The following GLRX3 variants were observed in gnomAD, a reference collection of about 807,000 sequenced individuals.
The protein encoded by GLRX3 is glutaredoxin-3.
A neutral mutation model predicts 49.5 loss-of-function variants in GLRX3; 22 were observed. That is an observed-to-expected ratio of 0.44 (90% CI 0.32 to 0.63). The LOEUF is 0.63. Ranked by LOEUF, GLRX3 falls within the 30% of genes least tolerant of loss-of-function variation. The pLI is 0.05. For synonymous variants in GLRX3, 133 were observed against 140.0 expected, an observed-to-expected ratio of 0.95 and a Z score of 0.35; for missense variants, 385 against 396.3, an observed-to-expected ratio of 0.97 and a Z score of 0.24.
intron 2 of GLRX3, among the ~76,000 whole-genome samples, chr10:130,158,780 CT>C (rs34188460): frequency 6.6e-6 from 1 of 151,866 alleles, no homozygotes; most frequent in Non-Finnish European, 1.5e-5. Context: ...TCTTTTTGTT[CT>C]TTTTTCAGAT....
chr10:130,166,100 G>A (rs1224589842), intron 4 of GLRX3, among the ~76,000 whole-genome samples: 2 of 152,236 alleles, frequency 1.3e-5, no homozygotes, highest in Non-Finnish European at 2.9e-5. Flanking sequence ...GCTCAAGTGA[G>A]CCTGTTGCCT....
Position 130,145,211 on chromosome 10 carries a change from G to T in GLRX3, c.93G>T (p.Lys31Asn), listed in dbSNP as rs1385348207. Residue 31 changes from lysine (K) to asparagine (N), a missense_variant and splice_region_variant, in exon 2 of 11, where the codon AAG (lysine) becomes AAT (asparagine). Lys to Asn is a moderately conservative substitution (Grantham distance 94). This residue lies in a region of GLRX3 where 374 missense variants were observed against 358.6 expected (regional missense o/e 1.04). Transcript: ENST00000331244. ...QFEELLRLKA[K>N]SLLVVHFWAP... ...ATAAATGCATTTAATTGATTTACAGGTCCCTCCTTGTGGTCCATTTCTGGG... is the reference window on the plus strand; with the variant it reads ...ATAAATGCATTTAATTGATTTACAGTTCCCTCCTTGTGGTCCATTTCTGGG... 3.2e-6 allele frequency: 4 copies of T among 1,265,854 alleles called. No individual in the cohort carries two copies. Among genetic ancestry groups the T allele is most frequent in the East Asian group, 2.4e-5 (1 of 41,692 alleles). The allele number at this position is 1,265,854 out of a possible 1,614,324, so 78.4% of individuals were successfully genotyped here. A position where few individuals can be genotyped will look rare whatever the true frequency, so the allele number is the denominator to read the frequency against.
At chr10:130,167,407 C>T (rs976279821) in intron 6 of GLRX3, among the ~76,000 whole-genome samples, 1 of 152,192 alleles carries the variant, frequency 6.6e-6, no homozygotes, top group African/African-American at 2.4e-5. Context: ...GTGAAAAACT[C>T]ATCACCTCGC....
chr10:130,159,766 T>C, intron 2 of GLRX3: 2 of 1,259,210 alleles, frequency 1.6e-6, no homozygotes, highest in East Asian at 3.1e-5. Flanking sequence ...TCTTTTGAAA[T>C]GTGCAACAAA....
At chr10:130,154,330 A>G (rs1252849209) in intron 2 of GLRX3, among the ~76,000 whole-genome samples, 6 of 152,190 alleles carry the variant, frequency 3.9e-5, no homozygotes, top group Admixed American at 3.3e-4. Context: ...CTCGCCCTCC[A>G]TGGGCTGCAC....
At position 130,169,556 on chromosome 10, in the gene GLRX3, A is replaced by C; in HGVS notation, c.771+66A>C. On this transcript the variant is annotated intron_variant, in intron 7 of 10. Coordinates refer to ENST00000331244, the MANE Select transcript of GLRX3 (RefSeq NM_006541.5). Reference sequence around the variant, plus strand: ...ATGTTAACATCTGCAACAAGGGGACAGTTAAATCTTTTTCCTAGCTTTAGC... The same window carrying C: ...ATGTTAACATCTGCAACAAGGGGACCGTTAAATCTTTTTCCTAGCTTTAGC... The C allele has an allele frequency of 3.0e-6, 3 of 1,015,254 alleles. No homozygotes were observed. In the South Asian group the frequency reaches 3.8e-5, roughly 13 times the overall value. 62.9% of individuals were successfully genotyped at this position (1,015,254 alleles called of 1,614,324 possible).
Position 130,179,324 on chromosome 10 carries a change from G to A in GLRX3, c.958-18G>A, listed in dbSNP as rs746065585. 3.5e-5 allele frequency: 41 copies of A among 1,162,958 alleles called. No homozygotes were observed. Among genetic ancestry groups the A allele is most frequent in the Non-Finnish European group, 5.0e-5 (39 of 783,010 alleles). The allele number at this position is 1,162,958 out of a possible 1,614,324, so 72.0% of individuals were successfully genotyped here. A position where few individuals can be genotyped will look rare whatever the true frequency, so the allele number is the denominator to read the frequency against. On this transcript the variant is annotated intron_variant, in intron 10 of 10. Transcript: ENST00000331244. ...ATATATGCATATACATATTATTATT[G>A]TTGTTTTTTATTTTTAGGAACTGAA...
chr10:130,145,376 A>G, intron 2 of GLRX3, 57 bp downstream of exon 2: 1 of 878,566 alleles, frequency 1.1e-6, no homozygotes, highest in Non-Finnish European at 1.9e-6. Flanking sequence ...TATGGGTTAG[A>G]TTAGGGCTGG....
intron 2 of GLRX3, among the ~76,000 whole-genome samples, chr10:130,158,057 C>G (rs1278562421): frequency 6.6e-6 from 1 of 152,110 alleles, no homozygotes; most frequent in Non-Finnish European, 1.5e-5. Flanking sequence ...ACCATTGTCT[C>G]TTGTTATGAG....
Position 130,173,237 on chromosome 10 carries a change from C to G in GLRX3, c.824+1601C>G, listed in dbSNP as rs147019101. ...GACTCAGCTCGTGTCTTTGGTGGAA[C>G]ATCTTGGTAACTTGGCTTTCTGTCC... On this transcript the variant is annotated intron_variant, in intron 8 of 10. Transcript: ENST00000331244. Among the ~76,000 whole-genome samples the G allele has an allele frequency of 5.9e-3, 904 of 152,292 alleles. 3 individuals are homozygous for G. The highest frequency in any genetic ancestry group is 0.014 in the Middle Eastern group (4 of 294).
At chr10:130,160,357 C>T (rs1478590746) in intron 3 of GLRX3, among the ~76,000 whole-genome samples, 3 of 152,158 alleles carry the variant, frequency 2.0e-5, no homozygotes, top group African/African-American at 7.2e-5. Context: ...CCAGTGTTCC[C>T]TGAGTTGGTT....
At chr10:130,162,883 G>C (rs552859149) in intron 4 of GLRX3, among the ~76,000 whole-genome samples, 2 of 152,198 alleles carry the variant, frequency 1.3e-5, no homozygotes, top group South Asian at 4.1e-4. Context: ...AGTGCTGTTG[G>C]GAACAAGATT....
intron 2 of GLRX3, among the ~76,000 whole-genome samples, chr10:130,147,686 C>T (rs1862294704): frequency 6.6e-6 from 1 of 152,198 alleles, no homozygotes. Flanking sequence ...TTAAAAGGCA[C>T]TTGCCGGACA....
chr10:130,168,220 G>A (rs1684949792), intron 6 of GLRX3, among the ~76,000 whole-genome samples: 1 of 152,206 alleles, frequency 6.6e-6, no homozygotes, highest in African/African-American at 2.4e-5. Flanking sequence ...TGTAGGAAGT[G>A]GAGTTCATGG....
Position 130,154,564 on chromosome 10 carries a change from A to AT in GLRX3, c.202-5418dup, listed in dbSNP as rs58539610. On this transcript the variant is annotated intron_variant, in intron 2 of 10. Transcript: ENST00000331244. Reference sequence around the variant, plus strand: ...ACAAAGATTCTGATTTTGAAATACTATTTTTTTTTTTTTAATATCACACAT... The same window carrying AT: ...ACAAAGATTCTGATTTTGAAATACTATTTTTTTTTTTTTTAATATCACACAT... 8.0e-3 allele frequency among the ~76,000 whole-genome samples: 1,161 copies of AT among 145,604 alleles called. 9 individuals carry two copies. Among genetic ancestry groups the AT allele is most frequent in the African/African-American group, 0.022 (883 of 40,070 alleles).
intron 10 of GLRX3, among the ~76,000 whole-genome samples, chr10:130,177,663 C>T (rs1367687319): frequency 1.3e-5 from 2 of 152,142 alleles, no homozygotes; most frequent in Non-Finnish European, 2.9e-5. Context: ...TGGTCCTCTC[C>T]GTGCCTTCTT....
rs1415190975 is a variant in GLRX3, at chr10:130,179,525, C to A, written c.*133C>A. 4 of 654,252 alleles carry A rather than the reference C, an allele frequency of 6.1e-6. No homozygotes were observed. The highest frequency in any genetic ancestry group is 3.6e-5 in the South Asian group (2 of 54,948). The allele number at this position is 654,252 out of a possible 1,614,324, so 40.5% of individuals were successfully genotyped here. On this transcript the variant is annotated 3_prime_UTR_variant, in exon 11 of 11. Transcript: ENST00000331244. The stretch of plus-strand genomic sequence containing the variant: ...TCTCAGTTACATGTTTTGTGTATTT[C>A]ACAATGTCGTGCTAAATAAATGTAT...
intron 1 of GLRX3, among the ~76,000 whole-genome samples, chr10:130,142,829 C>T (rs1030939415): frequency 7.0e-6 from 1 of 142,858 alleles, no homozygotes; most frequent in Non-Finnish European, 1.6e-5. Flanking sequence ...CCAGTACCGC[C>T]TAGGACCCCT....
At chr10:130,173,497 C>T (rs535464303) in intron 8 of GLRX3, among the ~76,000 whole-genome samples, 1 of 152,246 alleles carries the variant, frequency 6.6e-6, no homozygotes, top group Non-Finnish European at 1.5e-5. Flanking sequence ...CTTATCTTTT[C>T]CTTTAGTAGC....
Sources: gnomAD v4.1 joint callset for allele counts (sites outside exome capture counted in the v4.1 genomes callset) on GRCh38, gnomAD v4.1.1 for gene constraint, gnomAD v4.1.1 regional missense constraint, MANE v1.5 for transcripts, NCBI Gene and HGNC (gene_info 2026-07-23, HGNC 2026-07-21) for gene names.